Variants in PCDH19 observed in about 807,000 individuals in gnomAD.
PCDH19 encodes the protein protocadherin-19.
PCDH19 carries 6 observed loss-of-function variants against 46.2 expected under a neutral mutation model. The observed-to-expected ratio is 0.13, with a 90% CI of 0.07 to 0.26. The LOEUF (loss-of-function observed/expected upper bound fraction) is 0.26, where lower values mean the gene tolerates loss of function less well. Ranked by LOEUF, PCDH19 falls within the 10% of genes least tolerant of loss-of-function variation. PCDH19 has a pLI of 1.00. For synonymous variants in PCDH19, 481 were observed against 415.7 expected, an observed-to-expected ratio of 1.16 and a Z score of -1.91; for missense variants, 740 against 972.3, an observed-to-expected ratio of 0.76 and a Z score of 3.18.
chrX:100,322,865 A>ATATTTTTTTTTTTTTT, intron 5 of PCDH19, among the ~76,000 whole-genome samples: 2 of 54,416 alleles, frequency 3.7e-5, no homozygotes, highest in African/African-American at 8.4e-5. Flanking sequence ...ATATATATAT[A>ATATTTTTTTTTTTTTT]TTTTTGCAGC....
At chrX:100,354,876 G>A (rs1448584382) in intron 3 of PCDH19, among the ~76,000 whole-genome samples, 2 of 109,901 alleles carry the variant, frequency 1.8e-5, no homozygotes, top group Non-Finnish European at 3.8e-5. Context: ...CAGACAGCCA[G>A]GTTAACACAA....
intron 3 of PCDH19, among the ~76,000 whole-genome samples, chrX:100,391,620 A>G (rs1468662752): frequency 2.7e-5 from 3 of 112,018 alleles, no homozygotes; most frequent in Non-Finnish European, 5.6e-5. Flanking sequence ...AAACATTCAC[A>G]CATTTACACC....
At position 100,341,931 on chromosome X, in the gene PCDH19, G is replaced by A. The variant is rs375040933; in HGVS notation, c.2820C>T (p.Thr940=). 3.3e-6 allele frequency: 4 copies of A among 1,210,385 alleles called. No homozygotes were observed. Among genetic ancestry groups the A allele is most frequent in the Non-Finnish European group, 4.5e-6 (4 of 894,294 alleles). Residue 940 remains threonine, a synonymous_variant, in exon 5 of 6, where the codon ACC becomes ACT. Coordinates refer to ENST00000373034, the MANE Select transcript of PCDH19 (RefSeq NM_001184880.2). ...GATCAGGCATCTGAGATCCCATGGA[G>A]GTCACACTGGTGTTCAGCACATCGT... ...AVNDVLNTSV[T]SMGSQMPDHD...
Position 100,341,981 on chromosome X carries a change from T to A in PCDH19, c.2770A>T (p.Ser924Cys). The A allele has an allele frequency of 8.3e-7, 1 of 1,207,949 alleles. No homozygotes were observed. The highest frequency in any genetic ancestry group is 3.0e-5 in the East Asian group (1 of 33,814). Residue 924 changes from serine to cysteine, a missense_variant, in exon 5 of 6, where the codon AGC becomes TGC. Ser to Cys is a moderately radical substitution (Grantham distance 112). Around this residue, in one of 5 missense-constraint regions of PCDH19, gnomAD observed 416 missense variants for 476.8 expected, o/e 0.87. Coordinates refer to ENST00000373034, the MANE Select transcript of PCDH19 (RefSeq NM_001184880.2). ...QTDSEHDVQR[S>C]LYCDTAVNDV... is the part of the protein sequence containing the mutation. ...TTGACAGCAGTATCACAATACAGGCTCCGCTGGACATCATGCTCACTGTCA... is the reference window on the plus strand; with the variant it reads ...TTGACAGCAGTATCACAATACAGGCACCGCTGGACATCATGCTCACTGTCA...
At chrX:100,396,358 G>C (rs1928025983) in intron 3 of PCDH19, among the ~76,000 whole-genome samples, 4 of 111,908 alleles carry the variant, frequency 3.6e-5, no homozygotes, top group Non-Finnish European at 7.5e-5. Flanking sequence ...GGGAGAGAGA[G>C]GTCTGCAGCT....
At chrX:100,336,122 A>G (rs1435526722) in intron 5 of PCDH19, among the ~76,000 whole-genome samples, 1 of 112,200 alleles carries the variant, frequency 8.9e-6, no homozygotes, top group African/African-American at 3.2e-5. Flanking sequence ...GGAATTTTCA[A>G]TTACTCTATG....
At chrX:100,405,357 G>A (rs1430089049) in intron 1 of PCDH19, among the ~76,000 whole-genome samples, 1 of 111,917 alleles carries the variant, frequency 8.9e-6, no homozygotes, top group African/African-American at 3.3e-5. Flanking sequence ...CTGTTTCGAT[G>A]AGACACTGCT....
At chrX:100,394,162 G>A (rs756265846) in intron 3 of PCDH19, among the ~76,000 whole-genome samples, 5 of 111,727 alleles carry the variant, frequency 4.5e-5, no homozygotes, top group African/African-American at 6.5e-5. Flanking sequence ...GTGAGACTCC[G>A]TCTCAACAAC....
rs192759540 is a variant in PCDH19, at chrX:100,352,813, C to A, written c.2617-2109G>T. On this transcript the variant is annotated intron_variant, in intron 3 of 5. Transcript: ENST00000373034. ...AGATGTCAGCATCATGCCTCCTGTG[C>A]AGTCTGCAGGACCACGGGCCAATTA... 4.0e-3 allele frequency among the ~76,000 whole-genome samples: 450 copies of A among 112,073 alleles called. 3 individuals carry two copies. The highest frequency in any genetic ancestry group is 7.2e-3 in the Non-Finnish European group (386 of 53,266).
intron 5 of PCDH19, among the ~76,000 whole-genome samples, chrX:100,332,188 A>T (rs1925890887): frequency 8.9e-6 from 1 of 112,289 alleles, no homozygotes; most frequent in South Asian, 3.7e-4. Context: ...TCCACAGAAT[A>T]AATAAATGAT....
At chrX:100,304,978 C>A (rs1924895744) in intron 5 of PCDH19, among the ~76,000 whole-genome samples, 1 of 112,251 alleles carries the variant, frequency 8.9e-6, no homozygotes, top group Admixed American at 9.4e-5. Context: ...GAAGAGAAAT[C>A]TAAAAGGTTG....
At chrX:100,345,604 T>A (rs1361070963) in intron 4 of PCDH19, among the ~76,000 whole-genome samples, 1 of 111,744 alleles carries the variant, frequency 8.9e-6, no homozygotes, top group Non-Finnish European at 1.9e-5. Context: ...TTCATAGGCA[T>A]CTGAATGTTA....
At chrX:100,391,903 C>G (rs1927874328) in intron 3 of PCDH19, among the ~76,000 whole-genome samples, 1 of 112,378 alleles carries the variant, frequency 8.9e-6, no homozygotes, top group African/African-American at 3.2e-5. Context: ...CTCACTCACA[C>G]ACTAGAGAAA....
rs1488664335 is a variant in PCDH19 at position 100,324,881 on chromosome X, C to CT, written c.2848+17021_2848+17022insA. Among the ~76,000 whole-genome samples the CT allele has an allele frequency of 1.3e-4, 14 of 110,820 alleles. No homozygotes were observed. The East Asian group carries it at 4.0e-3, about 31-fold the overall frequency. ...ATCTCATTTAATCCTTACAACCACC[C>CT]CACAAGGCAGGTACTACCAGTATCC... is the stretch of plus-strand genomic sequence containing the variant. On this transcript the variant is annotated intron_variant, in intron 5 of 5. Coordinates refer to ENST00000373034, the MANE Select transcript of PCDH19 (RefSeq NM_001184880.2).
chrX:100,336,278 C>T (rs967080848), intron 5 of PCDH19, among the ~76,000 whole-genome samples: 7 of 111,403 alleles, frequency 6.3e-5, no homozygotes, highest in Non-Finnish European at 1.1e-4. Context: ...AGAGGTGAGT[C>T]GGGGGACAGA....
At chrX:100,385,159 C>CA (rs1186942086) in intron 3 of PCDH19, among the ~76,000 whole-genome samples, 497 of 38,240 alleles carry the variant, frequency 0.013, 3 homozygotes, top group Non-Finnish European at 0.017. Context: ...ACTCTGTCTC[C>CA]AAAAAAAAAA....
chrX:100,296,384 G>A lies in PCDH19; in HGVS notation c.3340C>T (p.Arg1114Cys), dbSNP rs763455091. 4 of 1,209,270 alleles carry A rather than the reference G, an allele frequency of 3.3e-6. No homozygotes were observed. Among genetic ancestry groups the A allele is most frequent in the Non-Finnish European group, 4.5e-6 (4 of 894,905 alleles). The change falls in exon 6 of 6, where the codon CGT becomes TGT. Residue 1114 changes from arginine (R) to cysteine (C), a missense_variant. Coordinates refer to ENST00000373034, the MANE Select transcript of PCDH19 (RefSeq NM_001184880.2). Reference protein sequence around the residue: ...GPTRPSEAEPRGADSEKVMHE... With the variant: ...GPTRPSEAEPCGADSEKVMHE... ...ATGACTTTCTCGCTATCAGCTCCAC[G>A]GGGCTCAGCTTCAGAGGGACGAGTA...
At chrX:100,305,815 C>CA (rs1050784356) in intron 5 of PCDH19, among the ~76,000 whole-genome samples, 1 of 111,396 alleles carries the variant, frequency 9.0e-6, no homozygotes, top group Non-Finnish European at 1.9e-5. Flanking sequence ...TTTAAAAAGA[C>CA]AAAAAAGGAC....
intron 5 of PCDH19, among the ~76,000 whole-genome samples, chrX:100,332,609 G>A (rs1199980499): frequency 9.0e-6 from 1 of 111,350 alleles, no homozygotes; most frequent in Non-Finnish European, 1.9e-5. Flanking sequence ...GGATTAAGAG[G>A]AAAATAAACA....
Sources: allele counts gnomAD v4.1 joint callset (sites outside exome capture counted in the v4.1 genomes callset), GRCh38; gene constraint gnomAD v4.1.1; regional missense constraint gnomAD v4.1.1; transcripts MANE v1.5; gene names NCBI Gene and HGNC (gene_info 2026-07-23, HGNC 2026-07-21).